The following MYOF variants were observed in gnomAD, a reference collection of about 807,000 sequenced individuals.
MYOF encodes myoferlin.
MYOF carries 244 observed loss-of-function variants against 284.2 expected under a neutral mutation model. The ratio of observed to expected loss-of-function variants is 0.86; its 90% CI spans 0.77 to 0.95. The LOEUF is 0.95. Among genes scored for constraint, MYOF ranks in the 40% least tolerant of loss-of-function variants. MYOF has a pLI of 0.00. For missense variants in MYOF, 2,496 were observed against 2,560.6 expected (o/e 0.97, Z 0.54); for synonymous variants, 904 against 919.7 (o/e 0.98, Z 0.31).
intron 16 of MYOF, 54 bp downstream of exon 16, chr10:93,396,088 G>A: frequency 3.5e-6 from 5 of 1,412,584 alleles, no homozygotes; most frequent in South Asian, 1.3e-5. Flanking sequence ...TTTTTTCTCA[G>A]ACTGGAGAAA....
intron 21 of MYOF, 57 bp downstream of exon 21, chr10:93,379,806 C>G: frequency 6.2e-7 from 1 of 1,604,374 alleles, no homozygotes; most frequent in Non-Finnish European, 8.5e-7. Flanking sequence ...GGCCTCCATC[C>G]TAATACCTAA....
At chr10:93,406,198 A>C (rs1301809092) in intron 7 of MYOF, among the ~76,000 whole-genome samples, 1 of 147,210 alleles carries the variant, frequency 6.8e-6, no homozygotes. Context: ...ATCTCCAATG[A>C]TCTACCCACC....
chr10:93,433,275 AG>A, intron 3 of MYOF, among the ~76,000 whole-genome samples: 1 of 152,260 alleles, frequency 6.6e-6, no homozygotes, highest in South Asian at 2.1e-4. Flanking sequence ...CTCCTGCCTT[AG>A]CCCCTCGAGT....
At chr10:93,321,383 G>A (rs1026441426) in intron 48 of MYOF, among the ~76,000 whole-genome samples, 1 of 146,656 alleles carries the variant, frequency 6.8e-6, no homozygotes, top group African/African-American at 2.5e-5. Context: ...CTAGATAAAT[G>A]AGTTGAAAGA....
intron 11 of MYOF, 94 bp from the exon 12 acceptor site, chr10:93,401,638 G>T (rs749722678): frequency 2.7e-6 from 4 of 1,489,826 alleles, no homozygotes; most frequent in Non-Finnish European, 3.6e-6. Context: ...ATTCAGAATC[G>T]TTTCCATTAA....
At chr10:93,423,104 A>C (rs919078565) in intron 5 of MYOF, among the ~76,000 whole-genome samples, 3 of 152,198 alleles carry the variant, frequency 2.0e-5, no homozygotes, top group Admixed American at 6.5e-5. Context: ...GTTTCTGTAC[A>C]GTTAAGATAA....
At chr10:93,312,709 G>C (rs909215647) in intron 51 of MYOF, among the ~76,000 whole-genome samples, 1 of 151,634 alleles carries the variant, frequency 6.6e-6, no homozygotes, top group Non-Finnish European at 1.5e-5. Context: ...AATTGTACTA[G>C]AAGCCTAGCA....
rs371910567 is a variant in MYOF at position 93,359,928 on chromosome 10, C to T, written c.3025G>A (p.Val1009Ile). The change falls in exon 29 of 54, where the codon GTT (valine) becomes ATT (isoleucine). Residue 1009 changes from valine to isoleucine, a missense_variant. By Grantham distance (29) the Val-to-Ile change is conservative. Around this residue, in one of 3 missense-constraint regions of MYOF, gnomAD observed 2,436 missense variants for 2,480.7 expected, o/e 0.98. Coordinates refer to ENST00000359263, the MANE Select transcript of MYOF (RefSeq NM_013451.4). ...IPPDHKPKSW[V>I]AAEKMYHTHR... ...GTGTGGTACATTTTCTCTGCTGCAA[C>T]CCAGGATTTGGGCTTATGATCAGGA... The T allele has an allele frequency of 3.1e-6, 5 of 1,614,056 alleles. No individual in the cohort carries two copies. Among genetic ancestry groups the T allele is most frequent in the Non-Finnish European group, 4.2e-6 (5 of 1,180,050 alleles).
chr10:93,377,227 C>A, intron 22 of MYOF, 96 bp downstream of exon 22: 1 of 909,850 alleles, frequency 1.1e-6, no homozygotes, highest in South Asian at 1.6e-5. Flanking sequence ...ACTTCTTAGA[C>A]AAACACTAGA....
chr10:93,457,381 T>C (rs78168303), intron 1 of MYOF, among the ~76,000 whole-genome samples: 75 of 152,232 alleles, frequency 4.9e-4, no homozygotes, highest in Non-Finnish European at 2.2e-4. Flanking sequence ...TCATGCTGCA[T>C]CTGAGTGTGC....
At chr10:93,367,747 G>C (rs1375824122) in intron 25 of MYOF, among the ~76,000 whole-genome samples, 2 of 151,912 alleles carry the variant, frequency 1.3e-5, no homozygotes, top group Non-Finnish European at 2.9e-5. Context: ...GACTGGGGCA[G>C]GACAGTAAGA....
intron 3 of MYOF, among the ~76,000 whole-genome samples, chr10:93,434,701 A>G (rs146133323): frequency 8.7e-4 from 133 of 152,352 alleles, no homozygotes; most frequent in Admixed American, 1.4e-3. Context: ...TCTTTTAAGG[A>G]AATTTTAAAA....
Position 93,328,934 on chromosome 10 carries a change from C to T in MYOF, c.4983-23G>A, listed in dbSNP as rs201534733. On this transcript the variant is annotated intron_variant, in intron 44 of 53. Coordinates refer to ENST00000359263, the MANE Select transcript of MYOF (RefSeq NM_013451.4). ...GAACTGTGAATAGCATCACGTGGCTCGGAGTTACGGAGGAGCCTGCAGGTT... is the reference window on the plus strand; with the variant it reads ...GAACTGTGAATAGCATCACGTGGCTTGGAGTTACGGAGGAGCCTGCAGGTT... The T allele has an allele frequency of 2.8e-5, 44 of 1,574,054 alleles. No homozygotes were observed. In the East Asian group the frequency reaches 4.5e-4, roughly 16 times the overall value.
chr10:93,343,052 A>ATT lies in MYOF; in HGVS notation c.4326+802_4326+803dup, dbSNP rs72520053. ...GTTTAATGCAGTGGGATGGAAGTAGATTTTTTTTTTAAGGCACTGTTTATG... is the reference window on the plus strand; with the variant it reads ...GTTTAATGCAGTGGGATGGAAGTAGATTTTTTTTTTTTAAGGCACTGTTTATG... On this transcript the variant is annotated intron_variant, in intron 38 of 53. Coordinates refer to ENST00000359263, the MANE Select transcript of MYOF (RefSeq NM_013451.4). 5.3e-5 allele frequency among the ~76,000 whole-genome samples: 8 copies of ATT among 151,004 alleles called. No individual in the cohort carries two copies. The South Asian group carries it at 8.3e-4, about 16-fold the overall frequency.
intron 3 of MYOF, among the ~76,000 whole-genome samples, chr10:93,449,804 T>C (rs986223000): frequency 6.6e-6 from 1 of 152,026 alleles, no homozygotes; most frequent in Non-Finnish European, 1.5e-5. Context: ...AATGTATTTA[T>C]ATAGTTACAG....
At chr10:93,371,408 A>T (rs1019987279) in intron 24 of MYOF, among the ~76,000 whole-genome samples, 1 of 152,184 alleles carries the variant, frequency 6.6e-6, no homozygotes, top group East Asian at 1.9e-4. Flanking sequence ...ACTTCAACCA[A>T]ATAACTAATT....
chr10:93,480,467 C>CTTT (rs34363499), intron 1 of MYOF, among the ~76,000 whole-genome samples: 3 of 71,764 alleles, frequency 4.2e-5, no homozygotes, highest in African/African-American at 1.7e-4. Flanking sequence ...AATTTGCCAG[C>CTTT]TTTTTTTTTT....
At chr10:93,331,398 T>G (rs1843292895) in intron 43 of MYOF, among the ~76,000 whole-genome samples, 1 of 152,186 alleles carries the variant, frequency 6.6e-6, no homozygotes, top group South Asian at 2.1e-4. Context: ...GAGCAGAGCC[T>G]ACAGCACCCC....
At position 93,431,429 on chromosome 10, in the gene MYOF, A is replaced by G; in HGVS notation, c.324T>C (p.Asn108=). Residue 108 remains asparagine (N), a synonymous_variant, in exon 4 of 54, where the codon AAT becomes AAC. Coordinates refer to ENST00000359263, the MANE Select transcript of MYOF (RefSeq NM_013451.4). ...TCACCCCAGTATCTTGCCCTTTTTCATTTAGCAGGGAGATCAGCTTGTACG... is the reference window on the plus strand; with the variant it reads ...TCACCCCAGTATCTTGCCCTTTTTCGTTTAGCAGGGAGATCAGCTTGTACG... The part of the protein sequence containing the change: ...SLPYKLISLL[N]EKGQDTGATI... The G allele has an allele frequency of 6.2e-7, 1 of 1,613,810 alleles. No individual in the cohort carries two copies. Among genetic ancestry groups the G allele is most frequent in the African/African-American group, 1.3e-5 (1 of 74,904 alleles).
Sources: allele counts gnomAD v4.1 joint callset (sites outside exome capture counted in the v4.1 genomes callset), GRCh38; gene constraint gnomAD v4.1.1; regional missense constraint gnomAD v4.1.1; transcripts MANE v1.5; gene names NCBI Gene and HGNC (gene_info 2026-07-23, HGNC 2026-07-21).